The following MCCC1 variants were observed in gnomAD, a reference collection of about 807,000 sequenced individuals.
The protein encoded by MCCC1 is methylcrotonyl-CoA carboxylase subunit 1, also known as methylcrotonoyl-CoA carboxylase subunit alpha, mitochondrial.
In MCCC1, 64 loss-of-function variants were observed where a neutral mutation model predicts 83.8. The ratio of observed to expected loss-of-function variants is 0.76; its 90% CI spans 0.62 to 0.94. The LOEUF (loss-of-function observed/expected upper bound fraction) is 0.94. MCCC1 is among the 40% of genes least tolerant of loss of function. MCCC1 has a pLI of 0.00. For missense variants in MCCC1, 807 were observed against 904.7 expected (o/e 0.89, Z 1.39); for synonymous variants, 322 against 315.4 (o/e 1.02, Z -0.22).
chr3:183,047,663 GAA>G (rs372044687), intron 9 of MCCC1, among the ~76,000 whole-genome samples: 1 of 139,628 alleles, frequency 7.2e-6, no homozygotes. Context: ...TGCTAGAATT[GAA>G]AAAAAAAAAA....
intron 8 of MCCC1, among the ~76,000 whole-genome samples, 187 bp downstream of exon 8, chr3:183,057,124 C>T (rs1228018982): frequency 6.6e-6 from 1 of 152,198 alleles, no homozygotes; most frequent in Non-Finnish European, 1.5e-5. Flanking sequence ...TGTCTACCCC[C>T]AGAACATCAA....
At position 183,107,395 on chromosome 3, in the gene MCCC1, C is replaced by T. The variant is rs182380131; in HGVS notation, c.-102+8079G>A. ...TGCACTCCAGCCTGGGCAACAAGAG[C>T]GAAACTCCATCTCAAAAAAAAAAAA... On this transcript the variant is annotated intron_variant, in intron 1 of 17. Transcript: ENST00000492597. Among the ~76,000 whole-genome samples, 610 of 140,690 alleles carry T rather than the reference C, an allele frequency of 4.3e-3. 3 individuals are homozygous for T. Among genetic ancestry groups the T allele is most frequent in the African/African-American group, 0.015 (586 of 37,812 alleles). The allele number at this position is 140,690 out of a possible 152,430, so 92.3% of individuals were successfully genotyped here.
chr3:183,099,593 C>T (rs181077493), upstream of MCCC1: 1,944 of 856,274 alleles, frequency 2.3e-3, 2 homozygotes, highest in Non-Finnish European at 3.0e-3. Flanking sequence ...AATGTGAGGG[C>T]GTCTCCACGA....
chr3:183,023,968 A>C (rs933000275), intron 15 of MCCC1, among the ~76,000 whole-genome samples: 10 of 152,216 alleles, frequency 6.6e-5, no homozygotes, highest in Non-Finnish European at 1.3e-4. Flanking sequence ...AAGACTAAGA[A>C]GGCCAGGCGT....
intron 10 of MCCC1, among the ~76,000 whole-genome samples, chr3:183,043,822 T>C (rs966664625): frequency 6.6e-6 from 1 of 152,182 alleles, no homozygotes; most frequent in East Asian, 1.9e-4. Context: ...CTTAGAAACC[T>C]TTTTTTCTCT....
At chr3:183,072,280 G>C in intron 5 of MCCC1, 86 bp downstream of exon 5, 1 of 1,490,358 alleles carries the variant, frequency 6.7e-7, no homozygotes, top group Non-Finnish European at 9.3e-7. Context: ...CCAAAACACT[G>C]GTATTACAGG....
chr3:183,103,824 C>T (rs76063785), upstream of MCCC1, among the ~76,000 whole-genome samples: 1 of 152,194 alleles, frequency 6.6e-6, no homozygotes, highest in Admixed American at 6.5e-5. Context: ...AGGCTCGGGC[C>T]GCACAAGAGC....
chr3:183,034,415 CACCG>C (rs1197516360), intron 13 of MCCC1, among the ~76,000 whole-genome samples: 3 of 140,064 alleles, frequency 2.1e-5, no homozygotes, highest in Non-Finnish European at 4.5e-5. Context: ...TGCGCCACTG[CACCG>C]GATCCAGCCT....
chr3:183,091,352 G>A (rs1305839359), intron 3 of MCCC1, among the ~76,000 whole-genome samples: 1 of 152,114 alleles, frequency 6.6e-6, no homozygotes, highest in Non-Finnish European at 1.5e-5. Context: ...TGGATCACTT[G>A]AGGCCAGGAG....
At chr3:183,057,261 T>C (rs1715488838) in intron 8 of MCCC1, 50 bp downstream of exon 8, 3 of 1,370,756 alleles carry the variant, frequency 2.2e-6, no homozygotes, top group Non-Finnish European at 3.1e-6. Context: ...AAAATCAGAG[T>C]AAGATTCACA....
At chr3:183,029,690 ATT>A (rs10709578) in intron 14 of MCCC1, among the ~76,000 whole-genome samples, 13 of 151,138 alleles carry the variant, frequency 8.6e-5, no homozygotes, top group African/African-American at 1.5e-4. Context: ...CTGGCATCTT[ATT>A]TTTTTTTCCT....
At position 183,097,188 on chromosome 3, in the gene MCCC1, C is replaced by T. The variant is rs138343183; in HGVS notation, c.89+2164G>A. Among the ~76,000 whole-genome samples, 13 of 151,926 alleles carry T rather than the reference C, an allele frequency of 8.6e-5. No individual in the cohort carries two copies. In the East Asian group the frequency reaches 2.3e-3, roughly 27 times the overall value. ...TGCTTCCCCGGAGCTTGCAGTGAGCCGAGATTGCGCCACTGCAGTCCGCAG... is the reference window on the plus strand; with the variant it reads ...TGCTTCCCCGGAGCTTGCAGTGAGCTGAGATTGCGCCACTGCAGTCCGCAG... On this transcript the variant is annotated intron_variant, in intron 1 of 18. Coordinates refer to ENST00000265594, the MANE Select transcript of MCCC1 (RefSeq NM_020166.5).
In MCCC1 at chr3:183,015,493, T is replaced by A; in HGVS notation, c.2123A>T (p.His708Leu). The A allele has an allele frequency of 6.2e-7, 1 of 1,614,126 alleles. No homozygotes were observed. The change falls in exon 19 of 19, where the codon CAC (histidine) becomes CTC (leucine). Residue 708 changes from histidine (H) to leucine (L), a missense_variant. Coordinates refer to ENST00000265594, the MANE Select transcript of MCCC1 (RefSeq NM_020166.5). ...CTCCTCAAACTCGACTAAAGGAGTGTGTCTGTTGGCCTGAGCACCTTCTCT... is the reference window on the plus strand; with the variant it reads ...CTCCTCAAACTCGACTAAAGGAGTGAGTCTGTTGGCCTGAGCACCTTCTCT... ...FYREGAQANR[H>L]TPLVEFEEEE...
At chr3:183,099,140 A>G (rs1234173853) in intron 1 of MCCC1, 12 of 612,044 alleles carry the variant, frequency 2.0e-5, no homozygotes, top group Non-Finnish European at 2.6e-5. Context: ...TGAAGCGTGG[A>G]TGTGCGGAAG....
intron 14 of MCCC1, among the ~76,000 whole-genome samples, chr3:183,031,550 T>C (rs1263437254): frequency 3.1e-5 from 4 of 131,096 alleles, no homozygotes; most frequent in African/African-American, 1.2e-4. Context: ...CAGGCTGGAG[T>C]GCAGTGGTGC....
At chr3:183,041,823 G>A (rs1714115117) in intron 10 of MCCC1, 73 bp from the exon 11 acceptor site, 3 of 1,540,398 alleles carry the variant, frequency 1.9e-6, no homozygotes, top group Non-Finnish European at 2.7e-6. Flanking sequence ...CAATGGTCTT[G>A]CTTTTTTTCT....
In MCCC1 at chr3:183,092,516, T is replaced by G; in HGVS notation, c.166A>C (p.Asn56His). The G allele has an allele frequency of 6.2e-7, 1 of 1,614,220 alleles. No individual in the cohort carries two copies. Among genetic ancestry groups the G allele is most frequent in the Non-Finnish European group, 8.5e-7 (1 of 1,180,036 alleles). ...ACCCTGCAGGCAATTTCTCCTCTGT[T>G]TGCAATGAGGACCTTGGTAATGTTT... The part of the protein sequence containing the change: ...GRNITKVLIA[N>H]RGEIACRVMR... Residue 56 changes from asparagine to histidine, a missense_variant, in exon 3 of 19, where the codon AAC becomes CAC. Physicochemically the swap from Asn to His is moderately conservative, Grantham distance 68. Coordinates refer to ENST00000265594, the MANE Select transcript of MCCC1 (RefSeq NM_020166.5).
chr3:183,053,769 C>T (rs1715180524), intron 8 of MCCC1, among the ~76,000 whole-genome samples: 1 of 141,300 alleles, frequency 7.1e-6, no homozygotes, highest in Non-Finnish European at 1.5e-5. Context: ...TGCACCACTG[C>T]ACTCCAGCCT....
At chr3:183,051,445 T>A (rs1042297463) in intron 9 of MCCC1, among the ~76,000 whole-genome samples, 21 of 152,132 alleles carry the variant, frequency 1.4e-4, no homozygotes, top group African/African-American at 5.1e-4. Context: ...TGATTCCAGC[T>A]ATCTGAAATT....
Sources: allele counts gnomAD v4.1 joint callset (sites outside exome capture counted in the v4.1 genomes callset), GRCh38; gene constraint gnomAD v4.1.1; transcripts MANE v1.5; gene names NCBI Gene and HGNC (gene_info 2026-07-23, HGNC 2026-07-21).